The following SMCO2 variants were observed in gnomAD, a reference collection of about 807,000 sequenced individuals.
The protein encoded by SMCO2 is single-pass membrane and coiled-coil domain-containing protein 2.
A neutral mutation model predicts 29.5 loss-of-function variants in SMCO2; 25 were observed. The ratio of observed to expected loss-of-function variants is 0.85; its 90% CI spans 0.62 to 1.18. The LOEUF is 1.18. Among genes scored for constraint, SMCO2 ranks in the 50% most tolerant of loss-of-function variants. SMCO2 has a pLI of 0.00. For missense variants in SMCO2, 348 were observed against 344.5 expected, an observed-to-expected ratio of 1.01 and a Z score of -0.08; for synonymous variants, 117 against 123.3, an observed-to-expected ratio of 0.95 and a Z score of 0.34.
At chr12:27,492,512 A>G (rs1942930632) in intron 5 of SMCO2, among the ~76,000 whole-genome samples, 1 of 152,190 alleles carries the variant, frequency 6.6e-6, no homozygotes, top group African/African-American at 2.4e-5. Context: ...AGCCTGGGCA[A>G]CATGGTGAAA....
intron 5 of SMCO2, 108 bp from the exon 7 acceptor site, chr12:27,494,192 A>C (rs1942967831): frequency 1.5e-6 from 1 of 649,754 alleles, no homozygotes; most frequent in Non-Finnish European, 2.4e-6. Flanking sequence ...AGTAAAAGTA[A>C]ACTTCAATGA....
At chr12:27,501,927 C>T (rs775991038) in exon 8 of SMCO2, 26 of 1,533,378 alleles carry the variant, frequency 1.7e-5, no homozygotes, top group African/African-American at 1.4e-5. Flanking sequence ...TTGTAGGAAA[C>T]GTGCACTGAG....
chr12:27,472,131 T>G (rs1389132546), intron 2 of SMCO2, among the ~76,000 whole-genome samples: 1 of 152,148 alleles, frequency 6.6e-6, no homozygotes, highest in Non-Finnish European at 1.5e-5. Context: ...GCTCTGTATG[T>G]GCTAATATGA....
upstream of SMCO2, among the ~76,000 whole-genome samples, chr12:27,464,320 AG>A (rs1311433357): frequency 7.9e-5 from 12 of 152,262 alleles, no homozygotes; most frequent in African/African-American, 2.9e-4. Flanking sequence ...CCGCCCACAG[AG>A]GGAGCTGGCA....
intron 4 of SMCO2, among the ~76,000 whole-genome samples, chr12:27,485,493 A>G (rs1257271611): frequency 7.1e-6 from 1 of 140,360 alleles, no homozygotes; most frequent in Non-Finnish European, 1.5e-5. Flanking sequence ...TCTGTCACCT[A>G]GGCTGGAGTG....
At chr12:27,467,027 A>G (rs948672745) in intron 1 of SMCO2, 2 of 152,164 alleles carry the variant, frequency 1.3e-5, no homozygotes, top group African/African-American at 2.4e-5. Flanking sequence ...TCAGGAGCCT[A>G]TAGTGACGTC....
intron 4 of SMCO2, among the ~76,000 whole-genome samples, chr12:27,484,870 A>T (rs1949675145): frequency 1.1e-5 from 1 of 95,146 alleles, no homozygotes; most frequent in African/African-American, 6.5e-5. Context: ...AAAAAAAAAA[A>T]AATATATATA....
At chr12:27,462,669 T>C (rs1215316809), upstream of SMCO2, among the ~76,000 whole-genome samples, 1 of 152,232 alleles carries the variant, frequency 6.6e-6, no homozygotes, top group African/African-American at 2.4e-5. Context: ...TATCTGTCTG[T>C]ACTGGCACAG....
At chr12:27,484,851 C>CAAAA (rs35818629) in intron 4 of SMCO2, among the ~76,000 whole-genome samples, 6 of 72,996 alleles carry the variant, frequency 8.2e-5, no homozygotes, top group Non-Finnish European at 1.1e-4. Context: ...GACTCCATCT[C>CAAAA]AAAAAAAAAA....
chr12:27,449,276 T>C, the SMCO2 span, among the ~76,000 whole-genome samples: 1 of 152,236 alleles, frequency 6.6e-6, no homozygotes, highest in Non-Finnish European at 1.5e-5. Flanking sequence ...AAATACTTGC[T>C]CTGATCTTTG....
At chr12:27,459,387 C>T in the SMCO2 span, among the ~76,000 whole-genome samples, 1 of 152,020 alleles carries the variant, frequency 6.6e-6, no homozygotes, top group Non-Finnish European at 1.5e-5. Flanking sequence ...AACCAAATGC[C>T]ACATGTTCTC....
At chr12:27,475,690 T>C in intron 4 of SMCO2, 1 of 1,548,948 alleles carries the variant, frequency 6.5e-7, no homozygotes, top group Non-Finnish European at 8.7e-7. Flanking sequence ...AAATTGACAA[T>C]ATTATTAAAA....
chr12:27,425,171 C>A, the SMCO2 span: 4 of 151,174 alleles, frequency 2.6e-5, no homozygotes, highest in African/African-American at 9.7e-5. Context: ...CACTTGTGCT[C>A]GTCTGTATAT....
At chr12:27,435,303 G>A in the SMCO2 span, among the ~76,000 whole-genome samples, 7 of 2,910 alleles carry the variant, frequency 2.4e-3, 3 homozygotes, top group Non-Finnish European at 5.6e-3. Context: ...CCCCCCCCCC[G>A]GCAATTGTGA....
rs1242555563 is a variant in SMCO2, at chr12:27,501,436, A to C, written c.684-487A>C. On this transcript the variant is annotated intron_variant, in intron 7 of 7. Transcript: ENST00000298876. ...GTCTCAAAAAAAAAAAAAAAAAAAA[A>C]ACAAACAAACAAAACAAAACAAAAA... Among the ~76,000 whole-genome samples the C allele has an allele frequency of 4.1e-4, 52 of 127,508 alleles. 1 individual carries two copies. Among genetic ancestry groups the C allele is most frequent in the African/African-American group, 9.5e-4 (28 of 29,390 alleles). 83.7% of individuals were successfully genotyped at this position (127,508 alleles called of 152,430 possible). A position where few individuals can be genotyped will look rare whatever the true frequency, so the allele number is the denominator to read the frequency against.
At chr12:27,469,974 G>A (rs1949527856) in intron 1 of SMCO2, among the ~76,000 whole-genome samples, 1 of 152,132 alleles carries the variant, frequency 6.6e-6, no homozygotes, top group Admixed American at 6.5e-5. Context: ...TAAAAATCTG[G>A]TCAAACTCCT....
At position 27,500,122 on chromosome 12, in the gene SMCO2, G is replaced by A. The variant is rs181300514; in HGVS notation, c.684-1801G>A. ...TTTTGGTTCTGTACAGGTGATATGA[G>A]AAAACTTATTTCAATTTAGTTAACT... On this transcript the variant is annotated intron_variant, in intron 7 of 7. Coordinates refer to ENST00000298876, the Ensembl canonical transcript of SMCO2. 4.0e-4 allele frequency among the ~76,000 whole-genome samples: 59 copies of A among 149,036 alleles called. 6 individuals are homozygous for A. Among genetic ancestry groups the A allele is most frequent in the African/African-American group, 1.4e-3 (54 of 39,108 alleles).
chr12:27,498,558 A>G (rs1044436857), intron 7 of SMCO2: 8 of 234,350 alleles, frequency 3.4e-5, no homozygotes, highest in Non-Finnish European at 7.1e-5. Flanking sequence ...GAGGAGTTCA[A>G]TATCCCGGGA....
At chr12:27,487,609 G>T (rs1949699551) in intron 4 of SMCO2, among the ~76,000 whole-genome samples, 2 of 152,214 alleles carry the variant, frequency 1.3e-5, no homozygotes, top group African/African-American at 4.8e-5. Context: ...CATATGGTAA[G>T]TCAGTTTTAA....
Sources: gnomAD v4.1 joint callset for allele counts (sites outside exome capture counted in the v4.1 genomes callset) on GRCh38, gnomAD v4.1.1 for gene constraint, MANE v1.5 for transcripts, NCBI Gene and HGNC (gene_info 2026-07-23, HGNC 2026-07-21) for gene names.